Variants in PTPRD observed in about 807,000 individuals in gnomAD.
PTPRD encodes receptor-type tyrosine-protein phosphatase delta.
PTPRD carries 34 observed loss-of-function variants against 214.5 expected under a neutral mutation model. The observed-to-expected ratio is 0.16, with a 90% CI of 0.12 to 0.21. The LOEUF (loss-of-function observed/expected upper bound fraction) is 0.21. Ranked by LOEUF, PTPRD falls within the 10% of genes least tolerant of loss-of-function variation. The pLI, the probability that PTPRD is intolerant of heterozygous loss-of-function variation, is 1.00. For missense variants in PTPRD, 2,545 were observed against 2,398.7 expected (o/e 1.06, Z -1.27); for synonymous variants, 1,128 against 845.7 (o/e 1.33, Z -5.79).
intron 3 of PTPRD, among the ~76,000 whole-genome samples, chr9:10,225,175 AATACAGTCTT>A (rs2099584743): frequency 6.6e-6 from 1 of 151,970 alleles, no homozygotes; most frequent in Non-Finnish European, 1.5e-5. Flanking sequence ...AAAAGAGATG[AATACAGTCTT>A]ATATAAATGA....
chr9:8,748,991 C>G (rs994571858), intron 11 of PTPRD, among the ~76,000 whole-genome samples: 1 of 150,400 alleles, frequency 6.6e-6, no homozygotes, highest in African/African-American at 2.5e-5. Flanking sequence ...GTGCTTATTT[C>G]AACACACATG....
intron 36 of PTPRD, among the ~76,000 whole-genome samples, chr9:8,402,215 A>G (rs2092481549): frequency 6.6e-6 from 1 of 152,216 alleles, no homozygotes. Flanking sequence ...ATGTTAGGTC[A>G]GCTCTAGATT....
At chr9:8,671,237 A>T (rs769516083) in intron 12 of PTPRD, among the ~76,000 whole-genome samples, 29 of 152,328 alleles carry the variant, frequency 1.9e-4, no homozygotes, top group Non-Finnish European at 3.1e-4. Flanking sequence ...TTCTCATTTA[A>T]TTTTTTAAAA....
In PTPRD at chr9:10,260,112, T is replaced by C. The variant is rs140430110; in HGVS notation, c.-545+80851A>G. Among the ~76,000 whole-genome samples, 19 of 152,294 alleles carry C rather than the reference T, an allele frequency of 1.2e-4. No individual in the cohort carries two copies. The East Asian group carries it at 3.1e-3, about 25-fold the overall frequency. ...TAGGATATATTTATACTAAAAAAAA[T>C]TGTTTATCTGAAATCAACATTTAAC... On this transcript the variant is annotated intron_variant, in intron 3 of 45. Coordinates refer to ENST00000381196, the MANE Select transcript of PTPRD (RefSeq NM_002839.4).
intron 2 of PTPRD, among the ~76,000 whole-genome samples, chr9:10,454,101 T>C (rs1752567915): frequency 2.7e-5 from 4 of 149,284 alleles, no homozygotes; most frequent in Non-Finnish European, 4.5e-5. Context: ...TTAGAGTCTG[T>C]TTCTATGAAA....
At chr9:9,684,009 T>C (rs1171813455) in intron 7 of PTPRD, among the ~76,000 whole-genome samples, 1 of 151,636 alleles carries the variant, frequency 6.6e-6, no homozygotes, top group Non-Finnish European at 1.5e-5. Flanking sequence ...GGCTTCTTTG[T>C]AGCCTAAAGA....
At chr9:9,600,873 T>C (rs896276706) in intron 7 of PTPRD, among the ~76,000 whole-genome samples, 2 of 152,128 alleles carry the variant, frequency 1.3e-5, no homozygotes, top group Admixed American at 6.6e-5. Flanking sequence ...TAACACAAAC[T>C]ATATTTTTTC....
intron 14 of PTPRD, among the ~76,000 whole-genome samples, chr9:8,561,532 A>C (rs578014203): frequency 3.9e-5 from 6 of 152,288 alleles, no homozygotes; most frequent in East Asian, 1.9e-4. Context: ...GCCATGGGCC[A>C]AGCCGGTGTA....
chr9:8,964,750 G>C (rs927091339), intron 11 of PTPRD, among the ~76,000 whole-genome samples: 3 of 151,958 alleles, frequency 2.0e-5, no homozygotes, highest in African/African-American at 7.2e-5. Flanking sequence ...TTGTTTTGTT[G>C]TGTCTCTGTT....
intron 44 of PTPRD, among the ~76,000 whole-genome samples, chr9:8,330,695 G>A (rs866233463): frequency 6.6e-6 from 1 of 150,858 alleles, no homozygotes; most frequent in South Asian, 2.1e-4. Flanking sequence ...CATTATCATA[G>A]AGCCAAATAA....
At chr9:9,405,798 A>G (rs2073069637) in intron 8 of PTPRD, among the ~76,000 whole-genome samples, 1 of 151,970 alleles carries the variant, frequency 6.6e-6, no homozygotes, top group Admixed American at 6.6e-5. Flanking sequence ...CCATCTAAGA[A>G]TGTTTTCCAA....
At chr9:9,420,555 C>A (rs1400760421) in intron 8 of PTPRD, among the ~76,000 whole-genome samples, 3 of 151,860 alleles carry the variant, frequency 2.0e-5, no homozygotes, top group Non-Finnish European at 4.4e-5. Context: ...TTGGGTCTAA[C>A]AATTTGGTTT....
chr9:8,332,640 C>T (rs1048203689), intron 43 of PTPRD, among the ~76,000 whole-genome samples: 2 of 140,090 alleles, frequency 1.4e-5, no homozygotes, highest in African/African-American at 3.3e-5. Flanking sequence ...AAAGAAGACA[C>T]TAAGGCATTT....
At chr9:8,359,179 T>G in intron 39 of PTPRD, among the ~76,000 whole-genome samples, 1 of 148,030 alleles carries the variant, frequency 6.8e-6, no homozygotes, top group Admixed American at 6.7e-5. Context: ...GGCAGGGATC[T>G]TAGAGATCTG....
At chr9:9,589,692 C>T (rs1156841825) in intron 7 of PTPRD, among the ~76,000 whole-genome samples, 1 of 151,904 alleles carries the variant, frequency 6.6e-6, no homozygotes, top group Non-Finnish European at 1.5e-5. Context: ...GATTATAAGA[C>T]AACCCATTAT....
intron 11 of PTPRD, among the ~76,000 whole-genome samples, chr9:8,927,788 C>T (rs1014417021): frequency 6.6e-5 from 10 of 152,174 alleles, no homozygotes; most frequent in African/African-American, 2.4e-4. Flanking sequence ...GCCACACTGA[C>T]TTCCACAATG....
intron 10 of PTPRD, among the ~76,000 whole-genome samples, chr9:9,084,932 A>G (rs1367865087): frequency 2.0e-5 from 3 of 152,188 alleles, no homozygotes; most frequent in Non-Finnish European, 4.4e-5. Context: ...TAAAATGAAG[A>G]AAACTTTTCA....
At chr9:8,616,891 A>G (rs2095629309) in intron 14 of PTPRD, among the ~76,000 whole-genome samples, 1 of 152,156 alleles carries the variant, frequency 6.6e-6, no homozygotes, top group Non-Finnish European at 1.5e-5. Flanking sequence ...GGCTAAGCTG[A>G]AACTCATCCA....
At chr9:8,840,379 G>A (rs913260634) in intron 11 of PTPRD, among the ~76,000 whole-genome samples, 3 of 152,172 alleles carry the variant, frequency 2.0e-5, no homozygotes, top group African/African-American at 4.8e-5. Flanking sequence ...TGCCTGCTGC[G>A]ATCCATGTAA....
Sources: allele counts gnomAD v4.1 joint callset (sites outside exome capture counted in the v4.1 genomes callset), GRCh38; gene constraint gnomAD v4.1.1; transcripts MANE v1.5; gene names NCBI Gene and HGNC (gene_info 2026-07-23, HGNC 2026-07-21).